The following CGGBP1 variants were observed in gnomAD, a reference collection of about 807,000 sequenced individuals.
CGGBP1 encodes CGG triplet repeat binding protein 1.
A neutral mutation model predicts 11.4 loss-of-function variants in CGGBP1; 4 were observed. That is an observed-to-expected ratio of 0.35 (90% confidence interval 0.17 to 0.80). The LOEUF (loss-of-function observed/expected upper bound fraction) is 0.80. CGGBP1 is among the 30% of genes least tolerant of loss of function. The pLI is 0.52. For synonymous variants in CGGBP1, 76 were observed against 74.1 expected, an observed-to-expected ratio of 1.03 and a Z score of -0.13; for missense variants, 135 against 202.1, an observed-to-expected ratio of 0.67 and a Z score of 2.01.
intron 2 of CGGBP1, among the ~76,000 whole-genome samples, chr3:88,126,579 CTTTTTTTTTTTT>C (rs144091813): frequency 3.7e-5 from 3 of 81,744 alleles, no homozygotes; most frequent in Non-Finnish European, 4.7e-5. Flanking sequence ...GTAGAAACAT[CTTTTTTTTTTTT>C]TTTTTTTTTT....
In CGGBP1 at chr3:88,092,149, T is replaced by A. The variant is rs1289483797; in HGVS notation, c.-228-33926A>T. Among the ~76,000 whole-genome samples the A allele has an allele frequency of 2.6e-5, 4 of 152,080 alleles. No homozygotes were observed. The East Asian group carries it at 7.7e-4, about 29-fold the overall frequency. On this transcript the variant is annotated intron_variant, in intron 2 of 3. Coordinates refer to the CGGBP1 transcript ENST00000462901. ...TATATTTTCCATACCAGAAGAAAAA[T>A]GGGGAAATAGCAACATGTTGGTCCT...
intron 2 of CGGBP1, among the ~76,000 whole-genome samples, chr3:88,087,821 A>G (rs905524317): frequency 1.3e-5 from 2 of 152,222 alleles, no homozygotes; most frequent in African/African-American, 4.8e-5. Context: ...GGCCTTACGG[A>G]CAGGTTGGGG....
intron 2 of CGGBP1, among the ~76,000 whole-genome samples, chr3:88,114,237 T>G (rs1705258598): frequency 6.6e-6 from 1 of 152,150 alleles, no homozygotes; most frequent in Non-Finnish European, 1.5e-5. Flanking sequence ...ATGGGGATAG[T>G]GCTGGCATGG....
upstream of CGGBP1, chr3:88,059,450 ACTG>A (rs1706708891): frequency 1.3e-6 from 2 of 1,519,028 alleles, no homozygotes; most frequent in Non-Finnish European, 1.8e-6. Flanking sequence ...GGCAGCGGCA[ACTG>A]CGGCGGCGGC....
At chr3:88,066,794 A>C (rs1158452412) in intron 2 of CGGBP1, among the ~76,000 whole-genome samples, 1 of 152,202 alleles carries the variant, frequency 6.6e-6, no homozygotes, top group African/African-American at 2.4e-5. Flanking sequence ...AAAATTACAA[A>C]CAAAAACAAA....
chr3:88,108,973 T>C (rs947243974), intron 2 of CGGBP1, among the ~76,000 whole-genome samples: 1 of 152,120 alleles, frequency 6.6e-6, no homozygotes, highest in African/African-American at 2.4e-5. Context: ...ACATGGTGCA[T>C]GTTAAGGTGC....
intron 2 of CGGBP1, chr3:88,140,130 A>G: frequency 1.2e-6 from 2 of 1,613,906 alleles, no homozygotes; most frequent in African/African-American, 1.3e-5. Flanking sequence ...TTTGCATTTT[A>G]ATTGCAACGA....
intron 2 of CGGBP1, chr3:88,128,852 A>G: frequency 6.5e-7 from 1 of 1,535,592 alleles, no homozygotes. Flanking sequence ...TCTTTGAACT[A>G]CGTGCCAGAT....
intron 2 of CGGBP1, among the ~76,000 whole-genome samples, chr3:88,094,688 A>G (rs1015016771): frequency 1.1e-4 from 16 of 152,148 alleles, no homozygotes; most frequent in Non-Finnish European, 1.8e-4. Context: ...AAAGATGTAT[A>G]TAGTCATTAT....
chr3:88,124,912 C>A (rs943316561), intron 2 of CGGBP1, among the ~76,000 whole-genome samples: 8 of 151,964 alleles, frequency 5.3e-5, no homozygotes, highest in African/African-American at 1.9e-4. Flanking sequence ...ATTCTCTGAA[C>A]CATTTTAAAA....
intron 2 of CGGBP1, among the ~76,000 whole-genome samples, chr3:88,069,690 T>C (rs1378091217): frequency 6.6e-6 from 1 of 152,222 alleles, no homozygotes; most frequent in African/African-American, 2.4e-5. Context: ...ACCACTGCTT[T>C]GGAAAGTTGA....
intron 2 of CGGBP1, among the ~76,000 whole-genome samples, chr3:88,083,050 T>TCCC (rs1328998776): frequency 6.7e-6 from 1 of 149,806 alleles, no homozygotes; most frequent in Non-Finnish European, 1.5e-5. Context: ...TCACTCCTCC[T>TCCC]CCCTCTTCCT....
intron 2 of CGGBP1, among the ~76,000 whole-genome samples, chr3:88,079,035 A>T (rs1215573024): frequency 6.6e-6 from 1 of 152,076 alleles, no homozygotes; most frequent in African/African-American, 2.4e-5. Flanking sequence ...TGAAACTAAG[A>T]ATGGGAAAAG....
chr3:88,143,553 AC>A (rs939074580), intron 1 of CGGBP1: 21 of 152,310 alleles, frequency 1.4e-4, no homozygotes, highest in African/African-American at 4.6e-4. Context: ...TCTGCTTTGT[AC>A]ATTTTCCAGA....
rs1704657088 is a variant in CGGBP1, at chr3:88,105,111, C to T, written c.-229+35859G>A. On this transcript the variant is annotated intron_variant, in intron 2 of 3. Transcript: ENST00000462901. ...GCTGAGTTGCACCACTGCACTCCAG[C>T]CTGAGCAAGAGAGCAAGACTCCATC... is the stretch of plus-strand genomic sequence containing the variant. 2.6e-5 allele frequency among the ~76,000 whole-genome samples: 4 copies of T among 152,294 alleles called. No homozygotes were observed. The South Asian group carries it at 8.3e-4, about 32-fold the overall frequency.
intron 2 of CGGBP1, among the ~76,000 whole-genome samples, chr3:88,101,839 A>G (rs559175052): frequency 1.3e-5 from 2 of 152,254 alleles, no homozygotes; most frequent in East Asian, 1.9e-4. Flanking sequence ...TATCTTTTTC[A>G]TAATAGCCAT....
At chr3:88,059,270 G>T, upstream of CGGBP1, 2 of 1,526,696 alleles carry the variant, frequency 1.3e-6, no homozygotes, top group Non-Finnish European at 1.7e-6. Flanking sequence ...AGGCATCTAC[G>T]GCGGCGGCGG....
At chr3:88,063,919 CTG>C (rs1027879390), upstream of CGGBP1, among the ~76,000 whole-genome samples, 6 of 152,120 alleles carry the variant, frequency 3.9e-5, no homozygotes, top group Non-Finnish European at 8.8e-5. Context: ...CTGGTTGTCT[CTG>C]TGGTGTAAAC....
chr3:88,075,469 C>T (rs1169270480), intron 2 of CGGBP1, among the ~76,000 whole-genome samples: 5 of 152,158 alleles, frequency 3.3e-5, no homozygotes, highest in African/African-American at 1.2e-4. Flanking sequence ...AACCATGGAA[C>T]AGGTACCTAA....
Sources: allele counts gnomAD v4.1 joint callset (sites outside exome capture counted in the v4.1 genomes callset), GRCh38; gene constraint gnomAD v4.1.1; transcripts MANE v1.5; gene names NCBI Gene and HGNC (gene_info 2026-07-23, HGNC 2026-07-21).